The following TRIP12 variants were observed in gnomAD, a reference collection of about 807,000 sequenced individuals.
TRIP12 encodes the protein E3 ubiquitin-protein ligase TRIP12.
TRIP12 carries 25 observed loss-of-function variants against 244.2 expected under a neutral mutation model. The ratio of observed to expected loss-of-function variants is 0.10; its 90% CI spans 0.07 to 0.14. The LOEUF (loss-of-function observed/expected upper bound fraction) is 0.14, where lower values mean the gene tolerates loss of function less well. Among genes scored for constraint, TRIP12 ranks in the 10% least tolerant of loss-of-function variants. The pLI, the probability that TRIP12 is intolerant of heterozygous loss-of-function variation, is 1.00. For synonymous variants in TRIP12, 905 were observed against 873.1 expected (o/e 1.04, Z -0.64); for missense variants, 1,677 against 2,486.4 (o/e 0.67, Z 6.92).
chr2:229,864,004 AAGAG>A (rs1163408528), intron 2 of TRIP12, among the ~76,000 whole-genome samples: 236 of 81,332 alleles, frequency 2.9e-3, no homozygotes, highest in African/African-American at 9.0e-3. Context: ...ATTTGGGTGA[AAGAG>A]AGAGAGAGAG....
At chr2:229,767,996 G>A (rs1044815683) in intron 41 of TRIP12, among the ~76,000 whole-genome samples, 3 of 152,132 alleles carry the variant, frequency 2.0e-5, no homozygotes, top group Admixed American at 6.5e-5. Flanking sequence ...ACCCACAGTG[G>A]TTCACGCCCG....
At chr2:229,790,161 A>G (rs1482322175) in intron 30 of TRIP12, among the ~76,000 whole-genome samples, 1 of 152,218 alleles carries the variant, frequency 6.6e-6, no homozygotes, top group Admixed American at 6.5e-5. Context: ...CCTCAAAATT[A>G]AAAATCTGGT....
At chr2:229,857,783 T>G (rs1286999873) in intron 4 of TRIP12, among the ~76,000 whole-genome samples, 1 of 152,306 alleles carries the variant, frequency 6.6e-6, no homozygotes, top group East Asian at 1.9e-4. Context: ...GGAATGCACA[T>G]AACGCTATGT....
At chr2:229,859,629 C>A in intron 3 of TRIP12, 55 bp from the exon 4 acceptor site, 1 of 1,525,296 alleles carries the variant, frequency 6.6e-7, no homozygotes, top group South Asian at 1.3e-5. Context: ...TTACAACTGT[C>A]ATATATAATG....
chr2:229,793,268 C>T (rs2041988226), intron 26 of TRIP12, 123 bp from the exon 27 acceptor site: 8 of 939,084 alleles, frequency 8.5e-6, no homozygotes, highest in Non-Finnish European at 1.2e-5. Context: ...TAAGCATTTA[C>T]TTACCAGTTC....
chr2:229,914,649 A>C lies in TRIP12; in HGVS notation c.-50+7231T>G, dbSNP rs531725072. Among the ~76,000 whole-genome samples, 5 of 152,338 alleles carry C rather than the reference A, an allele frequency of 3.3e-5. No homozygotes were observed. The East Asian group carries it at 9.6e-4, about 29-fold the overall frequency. On this transcript the variant is annotated intron_variant, in intron 1 of 41. Coordinates refer to ENST00000675903, the MANE Select transcript of TRIP12 (RefSeq NM_001348323.3). ...GTTCATCTGACCTTAAGAACACAGC[A>C]CAAGGTACATCTATTTATTCAGAGC...
In TRIP12 at chr2:229,859,562, T is replaced by C. The variant is rs200227486; in HGVS notation, c.237A>G (p.Ser79=). Reference sequence around the variant, plus strand: ...GTTGTGGAACTATCACAGCAGATGATGAACTGCAGCTTCTAAGAGGTTAGA... The same window carrying C: ...GTTGTGGAACTATCACAGCAGATGACGAACTGCAGCTTCTAAGAGGTTAGA... ...RGHLSKRSCS[S]SSAVIVPQPE... is the part of the protein sequence containing the mutation. The change falls in exon 4 of 42, where the codon TCA becomes TCG. Residue 79 remains serine, a synonymous_variant. Coordinates refer to ENST00000675903, the MANE Select transcript of TRIP12 (RefSeq NM_001348323.3). The C allele has an allele frequency of 6.8e-5, 109 of 1,611,896 alleles. No individual in the cohort carries two copies. Among genetic ancestry groups the C allele is most frequent in the Admixed American group, 3.3e-5 (2 of 59,774 alleles).
At chr2:229,830,630 T>C in intron 7 of TRIP12, 126 bp downstream of exon 7, 3 of 837,290 alleles carry the variant, frequency 3.6e-6, no homozygotes, top group Middle Eastern at 3.5e-4. Context: ...AAATTTTTTT[T>C]TCTTGGAGGT....
intron 33 of TRIP12, among the ~76,000 whole-genome samples, chr2:229,786,977 C>T (rs868364202): frequency 2.0e-5 from 3 of 152,146 alleles, no homozygotes; most frequent in Admixed American, 6.5e-5. Flanking sequence ...CTCAGGGCCC[C>T]GTGGTTCAGA....
At chr2:229,791,748 G>C (rs2041597676) in intron 29 of TRIP12, 118 bp downstream of exon 29, 1 of 1,035,004 alleles carries the variant, frequency 9.7e-7, no homozygotes. Context: ...GAACTAAAAT[G>C]TGTGATTTAG....
chr2:229,801,135 G>A, intron 21 of TRIP12, among the ~76,000 whole-genome samples: 1 of 152,128 alleles, frequency 6.6e-6, no homozygotes, highest in South Asian at 2.1e-4. Flanking sequence ...AGGCTGGAAA[G>A]GAAAATGGCA....
At chr2:229,881,588 A>G (rs965887618) in intron 1 of TRIP12, among the ~76,000 whole-genome samples, 4 of 152,230 alleles carry the variant, frequency 2.6e-5, no homozygotes, top group South Asian at 4.1e-4. Context: ...TTTCTATCAC[A>G]TATGTCCAAA....
At chr2:229,831,543 A>G (rs765322717) in intron 6 of TRIP12, among the ~76,000 whole-genome samples, 1 of 152,184 alleles carries the variant, frequency 6.6e-6, no homozygotes, top group South Asian at 2.1e-4. Flanking sequence ...AGTCGAGAGC[A>G]CTGCTTGGGC....
intron 1 of TRIP12, among the ~76,000 whole-genome samples, chr2:229,919,525 C>T (rs1206110972): frequency 6.6e-6 from 1 of 152,044 alleles, no homozygotes; most frequent in African/African-American, 2.4e-5. Context: ...ACCTAGCATC[C>T]CATTCGTTTT....
chr2:229,912,919 G>C (rs985851291), intron 1 of TRIP12, among the ~76,000 whole-genome samples: 3 of 152,112 alleles, frequency 2.0e-5, no homozygotes, highest in Admixed American at 2.0e-4. Context: ...GCCTAGACTG[G>C]AGTGCAGTGG....
chr2:229,865,753 T>C (rs2061418755), intron 2 of TRIP12, among the ~76,000 whole-genome samples: 1 of 152,192 alleles, frequency 6.6e-6, no homozygotes, highest in Admixed American at 6.5e-5. Context: ...GAGCCATTGA[T>C]TTTCAATAAT....
chr2:229,834,931 G>A (rs2154302796), intron 6 of TRIP12, among the ~76,000 whole-genome samples: 1 of 152,210 alleles, frequency 6.6e-6, no homozygotes, highest in Middle Eastern at 3.4e-3. Context: ...TTCCAATGGA[G>A]TCTTATATCG....
chr2:229,860,685 T>C (rs1351050514), intron 2 of TRIP12, among the ~76,000 whole-genome samples, 154 bp from the exon 3 acceptor site: 2 of 152,182 alleles, frequency 1.3e-5, no homozygotes, highest in African/African-American at 2.4e-5. Context: ...TAATTATTAT[T>C]CTACTAAATA....
chr2:229,794,334 A>T (rs1016480162), intron 26 of TRIP12, among the ~76,000 whole-genome samples: 3 of 152,182 alleles, frequency 2.0e-5, no homozygotes, highest in Non-Finnish European at 4.4e-5. Flanking sequence ...TGGGAGGCCA[A>T]GGCAGGAGGA....
Sources: allele counts gnomAD v4.1 joint callset (sites outside exome capture counted in the v4.1 genomes callset), GRCh38; gene constraint gnomAD v4.1.1; transcripts MANE v1.5; gene names NCBI Gene and HGNC (gene_info 2026-07-23, HGNC 2026-07-21).